Variants in MFAP3 observed in about 807,000 individuals in gnomAD.
MFAP3 encodes microfibril associated protein 3.
Under a neutral mutation model 20.5 loss-of-function variants are expected in MFAP3, and 8 were observed. The ratio of observed to expected loss-of-function variants is 0.39; its 90% CI spans 0.23 to 0.70. MFAP3 has a LOEUF of 0.70. MFAP3 is among the 30% of genes least tolerant of loss of function. The pLI is 0.44. For missense variants in MFAP3, 398 were observed against 444.6 expected, an observed-to-expected ratio of 0.90 and a Z score of 0.94; for synonymous variants, 140 against 154.0, an observed-to-expected ratio of 0.91 and a Z score of 0.67.
At chr5:154,040,562 T>TC (rs1391418359) in intron 1 of MFAP3, among the ~76,000 whole-genome samples, 1 of 152,184 alleles carries the variant, frequency 6.6e-6, no homozygotes, top group East Asian at 1.9e-4. Context: ...ACCCAGGAGT[T>TC]CCTGCACCAC....
At chr5:154,048,508 A>C (rs903300125) in intron 1 of MFAP3, among the ~76,000 whole-genome samples, 1 of 152,166 alleles carries the variant, frequency 6.6e-6, no homozygotes, top group African/African-American at 2.4e-5. Context: ...AGTAAATGTC[A>C]TTTCCAAAAC....
In MFAP3 at chr5:154,053,192, A is replaced by T; in HGVS notation, c.568A>T (p.Thr190Ser). ...TEKAINEFFRTEGAEKLQKAF... is the reference protein window; with the variant it reads ...TEKAINEFFRSEGAEKLQKAF... ...GAAGGCTATCAATGAGTTCTTTAGA[A>T]CTGAAGGGGCTGAGAAACTTCAGAA... Residue 190 changes from threonine to serine, a missense_variant, in exon 3 of 3, where the codon ACT (threonine) becomes TCT (serine). Physicochemically the swap from Thr to Ser is moderately conservative, Grantham distance 58 (BLOSUM62 1). Coordinates refer to ENST00000522782, the MANE Select transcript of MFAP3 (RefSeq NM_005927.5). 6.2e-7 allele frequency: 1 copy of T among 1,613,946 alleles called. No individual in the cohort carries two copies.
intron 2 of MFAP3, among the ~76,000 whole-genome samples, chr5:154,050,636 T>C (rs1773168152): frequency 6.9e-6 from 1 of 144,636 alleles, no homozygotes; most frequent in Non-Finnish European, 1.5e-5. Flanking sequence ...TTTTTTTGTA[T>C]TCTATACCTT....
intron 1 of MFAP3, among the ~76,000 whole-genome samples, chr5:154,041,437 A>T (rs754383023): frequency 6.6e-6 from 1 of 152,260 alleles, no homozygotes; most frequent in East Asian, 1.9e-4. Flanking sequence ...AACTAAAACC[A>T]CTGGAGCACA....
In MFAP3 at chr5:154,053,657, T is replaced by G. The variant is rs767735018; in HGVS notation, c.1033T>G (p.Ser345Ala). Reference sequence around the variant, plus strand: ...TTTCAGTCCACCTGATGATATAGGATCTGCAGAATCTAACTGTAACTACAA... The same window carrying G: ...TTTCAGTCCACCTGATGATATAGGAGCTGCAGAATCTAACTGTAACTACAA... ...SHFSPPDDIG[S>A]AESNCNYKDG... The change falls in exon 3 of 3, where the codon TCT becomes GCT. Residue 345 changes from serine to alanine, a missense_variant. Coordinates refer to ENST00000522782, the MANE Select transcript of MFAP3 (RefSeq NM_005927.5). 1.9e-6 allele frequency: 3 copies of G among 1,613,900 alleles called. No individual in the cohort carries two copies. In the South Asian group the frequency reaches 3.3e-5, roughly 18 times the overall value.
chr5:154,050,173 C>G (rs1029898575), intron 2 of MFAP3, among the ~76,000 whole-genome samples, 156 bp downstream of exon 2: 1 of 151,986 alleles, frequency 6.6e-6, no homozygotes, highest in African/African-American at 2.4e-5. Flanking sequence ...TCAGAAAATG[C>G]AAAGTAATTA....
intron 2 of MFAP3, 53 bp downstream of exon 2, chr5:154,050,070 C>T (rs1773152908): frequency 8.5e-6 from 13 of 1,520,728 alleles, no homozygotes; most frequent in Non-Finnish European, 1.1e-5. Flanking sequence ...GTTCTGTCTT[C>T]TTATTTTTTA....
intron 1 of MFAP3, among the ~76,000 whole-genome samples, chr5:154,045,502 G>T (rs549286258): frequency 3.5e-4 from 53 of 152,210 alleles, no homozygotes; most frequent in African/African-American, 1.2e-3. Context: ...ATGGTTGCAT[G>T]GTATTCTGAG....
chr5:154,047,017 C>T (rs1429569530), intron 1 of MFAP3, among the ~76,000 whole-genome samples: 6 of 152,162 alleles, frequency 3.9e-5, no homozygotes, highest in Non-Finnish European at 8.8e-5. Context: ...TTGGCCACTG[C>T]CTGTCTTTAC....
chr5:154,053,502 G>A lies in MFAP3; in HGVS notation c.878G>A (p.Ser293Asn). 1 of 1,613,808 alleles carries A rather than the reference G, an allele frequency of 6.2e-7. No individual in the cohort carries two copies. The highest frequency in any genetic ancestry group is 8.5e-7 in the Non-Finnish European group (1 of 1,179,962). Reference sequence around the variant, plus strand: ...GTCATTAACCCAGAGATGGGACGGAGTAATTCACCAGGAGGAGATTCAGAT... The same window carrying A: ...GTCATTAACCCAGAGATGGGACGGAATAATTCACCAGGAGGAGATTCAGAT... ...IYVINPEMGR[S>N]NSPGGDSDDG... Residue 293 changes from serine to asparagine, a missense_variant, in exon 3 of 3, where the codon AGT becomes AAT. Transcript: ENST00000522782.
chr5:154,050,084 C>A, intron 2 of MFAP3, 67 bp downstream of exon 2: 1 of 1,491,444 alleles, frequency 6.7e-7, no homozygotes, highest in Non-Finnish European at 9.0e-7. Flanking sequence ...TTTTTTAACA[C>A]GTTAAACAAA....
At chr5:154,048,685 C>T (rs567351502) in intron 1 of MFAP3, among the ~76,000 whole-genome samples, 1 of 152,044 alleles carries the variant, frequency 6.6e-6, no homozygotes, top group South Asian at 2.1e-4. Context: ...TGTTATTTTG[C>T]CTTTTATTCA....
chr5:154,049,994 A>T lies in MFAP3; in HGVS notation c.272A>T (p.Gln91Leu), dbSNP rs769098960. The part of the protein sequence containing the change: ...EDVHWHNSKG[Q>L]QLDGRSRGGK... ...GTCCATTGGCACAATTCAAAAGGAC[A>T]GCAACTGGATGGCAGAAGCAGAGGT... is the stretch of plus-strand genomic sequence containing the variant. Residue 91 changes from glutamine to leucine, a missense_variant, in exon 2 of 3, where the codon CAG becomes CTG. Transcript: ENST00000522782. The T allele has an allele frequency of 6.2e-6, 10 of 1,607,036 alleles. No individual in the cohort carries two copies. The African/African-American group carries it at 1.3e-4, about 21-fold the overall frequency.
intron 1 of MFAP3, among the ~76,000 whole-genome samples, chr5:154,046,819 C>T (rs893487830): frequency 2.0e-5 from 3 of 152,156 alleles, no homozygotes; most frequent in Non-Finnish European, 2.9e-5. Flanking sequence ...CTACTTTGAT[C>T]CTGGGGGGAT....
At chr5:154,040,080 A>C (rs1037706128) in intron 1 of MFAP3, among the ~76,000 whole-genome samples, 1 of 152,220 alleles carries the variant, frequency 6.6e-6, no homozygotes, top group African/African-American at 2.4e-5. Flanking sequence ...TTGGGGCTAA[A>C]GTATGGAATC....
chr5:154,052,698 A>G (rs1773227061), intron 2 of MFAP3, among the ~76,000 whole-genome samples: 1 of 152,190 alleles, frequency 6.6e-6, no homozygotes, highest in Non-Finnish European at 1.5e-5. Context: ...TATTAGTGTC[A>G]TGAAGGAAGA....
rs749104208 is a variant in MFAP3, at chr5:154,049,952, C to G, written c.230C>G (p.Ala77Gly). 1 of 1,613,418 alleles carries G rather than the reference C, an allele frequency of 6.2e-7. No homozygotes were observed. Among genetic ancestry groups the G allele is most frequent in the Non-Finnish European group, 8.5e-7 (1 of 1,179,586 alleles). The change falls in exon 2 of 3, where the codon GCC becomes GGC. Residue 77 changes from alanine (A) to glycine (G), a missense_variant. Ala to Gly is a moderately conservative substitution (Grantham distance 60). Coordinates refer to ENST00000522782, the MANE Select transcript of MFAP3 (RefSeq NM_005927.5). ...TSVSIECLLT[A>G]SHYEDVHWHN... is the part of the protein sequence containing the mutation. ...GTTTCAATTGAGTGTCTTCTCACAG[C>G]CAGTCACTATGAAGATGTCCATTGG...
chr5:154,042,701 C>T (rs1337500211), intron 1 of MFAP3, among the ~76,000 whole-genome samples: 1 of 152,096 alleles, frequency 6.6e-6, no homozygotes, highest in Non-Finnish European at 1.5e-5. Flanking sequence ...AATTTGTGTG[C>T]CTGCTGTAGG....
intron 2 of MFAP3, 67 bp from the exon 3 acceptor site, chr5:154,052,853 T>G: frequency 7.5e-7 from 1 of 1,324,814 alleles, no homozygotes; most frequent in Non-Finnish European, 1.1e-6. Flanking sequence ...GGAATATGGA[T>G]AAGGCAGCGG....
Sources: allele counts gnomAD v4.1 joint callset (sites outside exome capture counted in the v4.1 genomes callset), GRCh38; gene constraint gnomAD v4.1.1; transcripts MANE v1.5; gene names NCBI Gene and HGNC (gene_info 2026-07-23, HGNC 2026-07-21).